Variants in DOCK6 observed in about 807,000 individuals in gnomAD.
The protein encoded by DOCK6 is dedicator of cytokinesis protein 6.
Under a neutral mutation model 230.3 loss-of-function variants are expected in DOCK6, and 167 were observed. The observed-to-expected ratio is 0.73, with a 90% CI of 0.64 to 0.82. DOCK6 has a LOEUF of 0.82. DOCK6 is among the 40% of genes least tolerant of loss of function. The probability of loss-of-function intolerance (pLI) is 0.00; values close to 1 mark genes in which losing one functional copy is unlikely to be tolerated. For synonymous variants in DOCK6, 1,148 were observed against 1,185.0 expected (o/e 0.97, Z 0.64); for missense variants, 2,598 against 2,825.8 (o/e 0.92, Z 1.83).
rs11666655 is a variant in DOCK6, at chr19:11,212,304, T to C, written c.4492-153A>G. Reference sequence around the variant, plus strand: ...TCGCCCAGGCTGGAGTGCAGTGGCATGATCTCAGCTCACTGCAACCTCCAT... The same window carrying C: ...TCGCCCAGGCTGGAGTGCAGTGGCACGATCTCAGCTCACTGCAACCTCCAT... On this transcript the variant is annotated intron_variant, in intron 35 of 47. Coordinates refer to ENST00000294618, the MANE Select transcript of DOCK6 (RefSeq NM_020812.4). Among the ~76,000 whole-genome samples, 58,048 of 151,772 alleles carry C rather than the reference T, an allele frequency of 0.38. 13,897 individuals are homozygous for C. Among genetic ancestry groups the C allele is most frequent in the Non-Finnish European group, 0.55 (37,070 of 67,892 alleles).
intron 28 of DOCK6, among the ~76,000 whole-genome samples, chr19:11,219,838 T>C (rs533304449): frequency 2.3e-4 from 35 of 151,818 alleles, no homozygotes; most frequent in Non-Finnish European, 4.0e-4. Context: ...CATATGGAGA[T>C]AAGTACTTTC....
Position 11,227,364 on chromosome 19 carries a change from G to A in DOCK6, c.2928C>T (p.Gly976=), listed in dbSNP as rs2079682625. The A allele has an allele frequency of 1.2e-6, 2 of 1,613,870 alleles. No homozygotes were observed. Among genetic ancestry groups the A allele is most frequent in the African/African-American group, 2.7e-5 (2 of 75,056 alleles). ...TGTGGACACGGGTGATGACCTCCAG[G>A]CCCACAGAGCCCACCAAGGCAGTGA... is the stretch of plus-strand genomic sequence containing the variant. ...DDITALVGSV[G]LEVITRVHKD... Residue 976 remains glycine, a synonymous_variant, in exon 24 of 48, where the codon GGC becomes GGT. Coordinates refer to ENST00000294618, the MANE Select transcript of DOCK6 (RefSeq NM_020812.4).
chr19:11,229,425 T>G (rs1311436254), intron 22 of DOCK6: 2 of 1,011,714 alleles, frequency 2.0e-6, no homozygotes, highest in African/African-American at 3.5e-5. Context: ...AGAAGGTTAG[T>G]GTGGATGAGG....
At chr19:11,239,857 A>G (rs2079913458) in intron 14 of DOCK6, 1 of 1,599,562 alleles carries the variant, frequency 6.3e-7, no homozygotes, top group Non-Finnish European at 8.5e-7. Flanking sequence ...TGGCCGCACA[A>G]TAGAACTCCT....
chr19:11,244,685 C>G (rs1354241970), intron 9 of DOCK6, among the ~76,000 whole-genome samples: 1 of 151,310 alleles, frequency 6.6e-6, no homozygotes, highest in Non-Finnish European at 1.5e-5. Context: ...TCTGGAACTC[C>G]CAACTTCAGG....
At position 11,229,009 on chromosome 19, in the gene DOCK6, C is replaced by T. The variant is rs1300607945; in HGVS notation, c.2745G>A (p.Gln915=). The T allele has an allele frequency of 6.2e-7, 1 of 1,613,576 alleles. No homozygotes were observed. The highest frequency in any genetic ancestry group is 8.5e-7 in the Non-Finnish European group (1 of 1,179,822). ...SKLLHEELAL[Q]WVVSSSAVRE... ...GTACGGCACTGCTGCTGACCACCCA[C>T]TGCAGAGCCAGCTCCTCGTGAAGCA... Residue 915 remains glutamine (Q), a synonymous_variant, in exon 23 of 48, where the codon CAG becomes CAA. Coordinates refer to ENST00000294618, the MANE Select transcript of DOCK6 (RefSeq NM_020812.4).
At chr19:11,228,895 C>T (rs1199427868) in intron 23 of DOCK6, 45 bp downstream of exon 23, 1 of 1,590,722 alleles carries the variant, frequency 6.3e-7, no homozygotes, top group Admixed American at 1.7e-5. Context: ...GGAAGGGGCT[C>T]CACTGGGGGT....
chr19:11,226,367 T>C (rs539158058), intron 24 of DOCK6, among the ~76,000 whole-genome samples: 7 of 152,204 alleles, frequency 4.6e-5, no homozygotes, highest in African/African-American at 1.7e-4. Flanking sequence ...AATTTAATGA[T>C]ACGATCCAAG....
chr19:11,225,868 TAAAAA>T (rs745740690), intron 24 of DOCK6, among the ~76,000 whole-genome samples: 3 of 71,006 alleles, frequency 4.2e-5, no homozygotes, highest in Admixed American at 1.6e-4. Flanking sequence ...CTGACTCTAC[TAAAAA>T]AAAAAAAAAA....
In DOCK6 at chr19:11,222,228, T is replaced by C; in HGVS notation, c.3261A>G (p.Gln1087=). The C allele has an allele frequency of 6.2e-7, 1 of 1,602,530 alleles. No homozygotes were observed. Among genetic ancestry groups the C allele is most frequent in the Non-Finnish European group, 8.5e-7 (1 of 1,174,826 alleles). ...TTSQSSTFSS[Q]APDPKVTSMF... ...TGCTGGTCACCTTGGGGTCCGGGGCTTGGCTGGAGAAGGTGGAGCTCTGCA... is the reference window on the plus strand; with the variant it reads ...TGCTGGTCACCTTGGGGTCCGGGGCCTGGCTGGAGAAGGTGGAGCTCTGCA... Residue 1087 remains glutamine (Q), a synonymous_variant, in exon 27 of 48, where the codon CAA becomes CAG. Transcript: ENST00000294618. This position sits in a 1 kb window ranked among gnomAD's most constrained non-coding sequence, Gnocchi z 4.0.
intron 1 of DOCK6, among the ~76,000 whole-genome samples, chr19:11,257,056 G>A (rs1422184806): frequency 8.2e-5 from 12 of 146,410 alleles, no homozygotes; most frequent in South Asian, 4.4e-4. Flanking sequence ...GTGCAATCAC[G>A]GCTTACTGCA....
chr19:11,214,192 TG>T, intron 34 of DOCK6, 82 bp downstream of exon 34: 1 of 1,482,016 alleles, frequency 6.7e-7, no homozygotes. Flanking sequence ...CCCAAAGTGC[TG>T]GGATTAGAGG....
chr19:11,227,300 C>T (rs1183202048), intron 24 of DOCK6, 37 bp downstream of exon 24: 1 of 1,605,710 alleles, frequency 6.2e-7, no homozygotes, highest in Admixed American at 1.7e-5. Context: ...TGTCCTCCCT[C>T]AGGTTTCTTC....
intron 28 of DOCK6, among the ~76,000 whole-genome samples, chr19:11,218,916 T>C (rs1002174924): frequency 1.3e-4 from 19 of 146,768 alleles, no homozygotes; most frequent in Non-Finnish European, 7.5e-5. Context: ...TCTCACTCTG[T>C]TGCCCAGGCT....
intron 1 of DOCK6, among the ~76,000 whole-genome samples, chr19:11,258,417 C>T (rs775745358): frequency 6.6e-6 from 1 of 151,896 alleles, no homozygotes; most frequent in African/African-American, 2.4e-5. Context: ...AAACTTCGCA[C>T]TTTTCTTTCT....
intron 1 of DOCK6, among the ~76,000 whole-genome samples, chr19:11,260,547 T>G (rs2080267742): frequency 6.8e-6 from 1 of 146,676 alleles, no homozygotes; most frequent in South Asian, 2.1e-4. Context: ...ACCACTGCAC[T>G]CCAGTCTGGG....
chr19:11,233,447 G>C, intron 21 of DOCK6, 81 bp from the exon 22 acceptor site: 4 of 1,498,982 alleles, frequency 2.7e-6, no homozygotes, highest in Middle Eastern at 1.8e-4. Flanking sequence ...GCTAATCTCT[G>C]CAAAATCACT....
rs891034849 is a variant in DOCK6 at position 11,200,041 on chromosome 19, T to C, written c.6101+267A>G. Among the ~76,000 whole-genome samples the C allele has an allele frequency of 6.6e-5, 10 of 151,238 alleles. No homozygotes were observed. Among genetic ancestry groups the C allele is most frequent in the Admixed American group, 2.0e-4 (3 of 15,126 alleles). On this transcript the variant is annotated intron_variant, in intron 47 of 47. Transcript: ENST00000294618. This position sits in a 1 kb window ranked among gnomAD's most constrained non-coding sequence, Gnocchi z 4.3. ...GGCAGATGCCTGTAATCCCAGTTAC[T>C]CAGGAGGCTGAGGCAGGAGACTCGC...
At chr19:11,204,361 A>C in intron 39 of DOCK6, 30 bp from the exon 40 acceptor site, 8 of 1,604,822 alleles carry the variant, frequency 5.0e-6, no homozygotes, top group Non-Finnish European at 6.8e-6. Context: ...AGGATTCCCC[A>C]AACTGTCTTC....
Sources: gnomAD v4.1 joint callset for allele counts (sites outside exome capture counted in the v4.1 genomes callset) on GRCh38, gnomAD v4.1.1 for gene constraint, Gnocchi (gnomAD v3.1) non-coding constraint, MANE v1.5 for transcripts, NCBI Gene and HGNC (gene_info 2026-07-23, HGNC 2026-07-21) for gene names.